Variants in SH3PXD2A observed in about 807,000 individuals in gnomAD.
SH3PXD2A encodes the protein SH3 and PX domain-containing protein 2A.
In SH3PXD2A, 32 loss-of-function variants were observed where a neutral mutation model predicts 115.2. The ratio of observed to expected loss-of-function variants is 0.28; its 90% CI spans 0.21 to 0.37. The LOEUF (loss-of-function observed/expected upper bound fraction) is 0.37, where lower values mean the gene tolerates loss of function less well. Ranked by LOEUF, SH3PXD2A falls within the 10% of genes least tolerant of loss-of-function variation. SH3PXD2A has a pLI of 1.00. For synonymous variants in SH3PXD2A, 610 were observed against 629.1 expected, an observed-to-expected ratio of 0.97 and a Z score of 0.45; for missense variants, 1,328 against 1,498.7, an observed-to-expected ratio of 0.89 and a Z score of 1.88.
At chr10:103,767,797 G>C (rs1365707354) in intron 2 of SH3PXD2A, among the ~76,000 whole-genome samples, 1 of 144,302 alleles carries the variant, frequency 6.9e-6, no homozygotes, top group African/African-American at 2.6e-5. Flanking sequence ...GGTTCTGGAG[G>C]AACAACTGTT....
intron 7 of SH3PXD2A, 25 bp downstream of exon 7, chr10:103,668,583 C>T (rs1564858897): frequency 6.5e-7 from 1 of 1,547,980 alleles, no homozygotes; most frequent in Non-Finnish European, 8.7e-7. Context: ...CATGCTCACA[C>T]ACATGCATGC....
At chr10:103,788,253 T>C (rs2038999328) in intron 2 of SH3PXD2A, among the ~76,000 whole-genome samples, 1 of 152,150 alleles carries the variant, frequency 6.6e-6, no homozygotes, top group African/African-American at 2.4e-5. Flanking sequence ...GTACAGCCAT[T>C]TTGCAGATGG....
At chr10:103,663,915 G>A (rs1340046230) in intron 7 of SH3PXD2A, among the ~76,000 whole-genome samples, 1 of 152,204 alleles carries the variant, frequency 6.6e-6, no homozygotes, top group Non-Finnish European at 1.5e-5. Context: ...GCACAGTCCC[G>A]AGCAGCCCTG....
At chr10:103,817,616 C>G (rs1435079965) in intron 1 of SH3PXD2A, among the ~76,000 whole-genome samples, 1 of 152,362 alleles carries the variant, frequency 6.6e-6, no homozygotes, top group East Asian at 1.9e-4. Flanking sequence ...GCTGGGATTA[C>G]AGGCGTGAGC....
At chr10:103,673,381 T>G (rs781328017) in intron 6 of SH3PXD2A, 2 of 151,876 alleles carry the variant, frequency 1.3e-5, no homozygotes, top group South Asian at 2.1e-4. Flanking sequence ...CTGGGCAACA[T>G]AGTGAGACCC....
intron 2 of SH3PXD2A, among the ~76,000 whole-genome samples, chr10:103,769,288 C>G (rs150064716): frequency 2.8e-4 from 43 of 151,984 alleles, no homozygotes; most frequent in African/African-American, 1.0e-3. Flanking sequence ...CCCAATATAC[C>G]CAGGTTATTT....
intron 1 of SH3PXD2A, among the ~76,000 whole-genome samples, chr10:103,843,129 GTAT>G (rs1363517467): frequency 6.6e-6 from 1 of 152,196 alleles, no homozygotes; most frequent in Admixed American, 6.5e-5. Flanking sequence ...TTAGGTAGTA[GTAT>G]TATTATACCC....
At chr10:103,728,885 G>GTT (rs1170237835) in intron 4 of SH3PXD2A, among the ~76,000 whole-genome samples, 1 of 99,144 alleles carries the variant, frequency 1.0e-5, no homozygotes, top group African/African-American at 4.9e-5. Context: ...TGTTTTTTTT[G>GTT]TTTGTTTGTT....
intron 1 of SH3PXD2A, among the ~76,000 whole-genome samples, chr10:103,844,236 G>A (rs750922303): frequency 2.6e-4 from 39 of 152,182 alleles, no homozygotes; most frequent in Non-Finnish European, 4.4e-4. Context: ...TATCCCTTCT[G>A]GGTGCCAGGC....
At position 103,602,747 on chromosome 10, in the gene SH3PXD2A, G is replaced by A. The variant is rs2036237447; in HGVS notation, c.2471C>T (p.Thr824Ile). The change falls in exon 15 of 15, where the codon ACC (threonine) becomes ATC (isoleucine). Residue 824 changes from threonine to isoleucine, a missense_variant. This residue lies in a region of SH3PXD2A where 574 missense variants were observed against 565.7 expected (regional missense o/e 1.01). Coordinates refer to ENST00000369774, the MANE Select transcript of SH3PXD2A (RefSeq NM_001394015.1). ...ACATGGGGGAGTGGTGGCTGGGAGGGTGATGAGGTCGGATGAGCTTCTCCT... is the reference window on the plus strand; with the variant it reads ...ACATGGGGGAGTGGTGGCTGGGAGGATGATGAGGTCGGATGAGCTTCTCCT... Reference protein sequence around the residue: ...GSRRSSSDLITLPATTPPCPT... With the variant: ...GSRRSSSDLIILPATTPPCPT... 1 of 1,614,110 alleles carries A rather than the reference G, an allele frequency of 6.2e-7. No homozygotes were observed. The highest frequency in any genetic ancestry group is 1.1e-5 in the South Asian group (1 of 91,070).
At chr10:103,783,640 C>A (rs1037260253) in intron 2 of SH3PXD2A, among the ~76,000 whole-genome samples, 5 of 152,246 alleles carry the variant, frequency 3.3e-5, no homozygotes, top group African/African-American at 1.2e-4. Context: ...AAGCTGGCAT[C>A]TGCTGCTTGG....
rs779197677 is a variant in SH3PXD2A at position 103,617,288 on chromosome 10, A to G, written c.829T>C (p.Tyr277His). The change falls in exon 11 of 15, where the codon TAC becomes CAC. Residue 277 changes from tyrosine (Y) to histidine (H), a missense_variant. By Grantham distance (83) the Tyr-to-His change is moderately conservative. This residue lies in a region of SH3PXD2A where 509 missense variants were observed against 628.3 expected (regional missense o/e 0.81). Coordinates refer to ENST00000369774, the MANE Select transcript of SH3PXD2A (RefSeq NM_001394015.1). The part of the protein sequence containing the change: ...REEKYVTVQP[Y>H]TSQSKDEIGF... ...ATCTCGTCCTTGCTTTGGCTGGTGTAAGGCTGCACGGTGACATACTTCTCC... is the reference window on the plus strand; with the variant it reads ...ATCTCGTCCTTGCTTTGGCTGGTGTGAGGCTGCACGGTGACATACTTCTCC... The G allele has an allele frequency of 3.7e-6, 6 of 1,613,974 alleles. No homozygotes were observed. The highest frequency in any genetic ancestry group is 5.1e-6 in the Non-Finnish European group (6 of 1,179,906).
At chr10:103,802,618 T>A (rs772247041) in intron 1 of SH3PXD2A, among the ~76,000 whole-genome samples, 3 of 152,196 alleles carry the variant, frequency 2.0e-5, no homozygotes, top group Non-Finnish European at 4.4e-5. Flanking sequence ...TCCCACAGCC[T>A]CAGGGCTTTT....
At chr10:103,667,009 TGGGGGGATGCCAGGCTAA>T (rs1010321068) in intron 7 of SH3PXD2A, among the ~76,000 whole-genome samples, 2 of 152,088 alleles carry the variant, frequency 1.3e-5, no homozygotes, top group Non-Finnish European at 2.9e-5. Flanking sequence ...GGGCCTACTC[TGGGGGGATGCCAGGCTAA>T]GCAACCTGAG....
At chr10:103,744,452 C>A (rs1008907674) in intron 3 of SH3PXD2A, among the ~76,000 whole-genome samples, 13 of 152,128 alleles carry the variant, frequency 8.5e-5, no homozygotes. Context: ...CGCACCTGGC[C>A]CCTGCTTGTC....
At chr10:103,841,240 G>A (rs767885539) in intron 1 of SH3PXD2A, among the ~76,000 whole-genome samples, 2 of 152,190 alleles carry the variant, frequency 1.3e-5, no homozygotes, top group African/African-American at 4.8e-5. Context: ...AGGAGGGGGC[G>A]TTAAAGATGA....
At chr10:103,699,622 C>A (rs916284076) in intron 5 of SH3PXD2A, among the ~76,000 whole-genome samples, 6 of 152,114 alleles carry the variant, frequency 3.9e-5, no homozygotes, top group African/African-American at 1.4e-4. Context: ...TTTTTTTCCA[C>A]CCCTTAGCCC....
At chr10:103,815,442 A>C (rs2039314404) in intron 1 of SH3PXD2A, among the ~76,000 whole-genome samples, 1 of 148,480 alleles carries the variant, frequency 6.7e-6, no homozygotes, top group Admixed American at 6.8e-5. Flanking sequence ...ACACACATAT[A>C]CAGTGTATAA....
intron 14 of SH3PXD2A, among the ~76,000 whole-genome samples, chr10:103,605,213 C>T (rs2036282352): frequency 6.6e-6 from 1 of 152,132 alleles, no homozygotes; most frequent in Non-Finnish European, 1.5e-5. Context: ...GCATCAAAGG[C>T]CAGGGGTCAT....
Sources: allele counts gnomAD v4.1 joint callset (sites outside exome capture counted in the v4.1 genomes callset), GRCh38; gene constraint gnomAD v4.1.1; regional missense constraint gnomAD v4.1.1; transcripts MANE v1.5; gene names NCBI Gene and HGNC (gene_info 2026-07-23, HGNC 2026-07-21).